Variants in LUZP2 observed in about 807,000 individuals in gnomAD.
The protein encoded by LUZP2 is leucine zipper protein 2.
LUZP2 carries 52 observed loss-of-function variants against 51.6 expected under a neutral mutation model. The ratio of observed to expected loss-of-function variants is 1.01; its 90% CI spans 0.81 to 1.27. The LOEUF (loss-of-function observed/expected upper bound fraction) is 1.27, where lower values mean the gene tolerates loss of function less well. Ranked by LOEUF, LUZP2 falls within the 50% of genes most tolerant of loss-of-function variation. The pLI, the probability that LUZP2 is intolerant of heterozygous loss-of-function variation, is 0.00. For synonymous variants in LUZP2, 154 were observed against 137.3 expected, an observed-to-expected ratio of 1.12 and a Z score of -0.85; for missense variants, 436 against 395.4, an observed-to-expected ratio of 1.10 and a Z score of -0.87.
In LUZP2 at chr11:24,810,901, G is replaced by A. The variant is rs542103795; in HGVS notation, c.396+47593G>A. Among the ~76,000 whole-genome samples the A allele has an allele frequency of 4.9e-4, 75 of 152,212 alleles. 1 individual carries two copies. In the South Asian group the frequency reaches 0.015, roughly 29 times the overall value. ...ATTTGCCTTTATCCTGTGGAGATGGGTCAGTAGCAAGATTGTAGCTCCTAC... is the reference window on the plus strand; with the variant it reads ...ATTTGCCTTTATCCTGTGGAGATGGATCAGTAGCAAGATTGTAGCTCCTAC... On this transcript the variant is annotated intron_variant, in intron 5 of 11. Transcript: ENST00000336930.
chr11:24,560,742 T>G (rs1852013355), intron 1 of LUZP2, among the ~76,000 whole-genome samples: 1 of 152,134 alleles, frequency 6.6e-6, no homozygotes, highest in Non-Finnish European at 1.5e-5. Context: ...AGCTCAAAAA[T>G]ACTAATTTAA....
intron 5 of LUZP2, among the ~76,000 whole-genome samples, chr11:24,860,468 G>C (rs1277837158): frequency 6.6e-6 from 1 of 152,118 alleles, no homozygotes; most frequent in East Asian, 1.9e-4. Context: ...AATGGGTCCT[G>C]TTCCCTGTGG....
chr11:24,650,103 C>T (rs1318769443), intron 1 of LUZP2, among the ~76,000 whole-genome samples: 1 of 151,680 alleles, frequency 6.6e-6, no homozygotes, highest in African/African-American at 2.4e-5. Flanking sequence ...TCCATCCATT[C>T]AAAATCCTTT....
chr11:24,720,189 TCTC>T (rs1388282187), intron 1 of LUZP2, among the ~76,000 whole-genome samples: 1 of 152,036 alleles, frequency 6.6e-6, no homozygotes, highest in Non-Finnish European at 1.5e-5. Flanking sequence ...AGTTCTGAAT[TCTC>T]CTCATTCAGG....
chr11:24,933,971 G>A (rs998847716), intron 7 of LUZP2, among the ~76,000 whole-genome samples: 1 of 152,148 alleles, frequency 6.6e-6, no homozygotes, highest in African/African-American at 2.4e-5. Flanking sequence ...AAGGGTTGGG[G>A]GGAGGATATT....
At chr11:24,693,970 G>A (rs919578322) in intron 1 of LUZP2, among the ~76,000 whole-genome samples, 3 of 151,816 alleles carry the variant, frequency 2.0e-5, no homozygotes, top group Non-Finnish European at 2.9e-5. Flanking sequence ...TTAGGATGAG[G>A]AAAAAGAGAT....
chr11:24,753,073 C>A (rs1449748567), intron 4 of LUZP2, among the ~76,000 whole-genome samples: 1 of 151,828 alleles, frequency 6.6e-6, no homozygotes. Context: ...TACTCGCAAA[C>A]AAAATAAAAT....
chr11:24,499,070 T>C (rs1402929346), intron 1 of LUZP2, among the ~76,000 whole-genome samples: 1 of 152,184 alleles, frequency 6.6e-6, no homozygotes, highest in Non-Finnish European at 1.5e-5. Flanking sequence ...GGGATAAATT[T>C]CTTTAAAAAT....
intron 5 of LUZP2, among the ~76,000 whole-genome samples, chr11:24,902,608 GA>G (rs1853315322): frequency 6.6e-6 from 1 of 152,112 alleles, no homozygotes; most frequent in South Asian, 2.1e-4. Flanking sequence ...CCTGATCATT[GA>G]AAAGCCTACT....
chr11:24,858,275 C>T (rs1225908883), intron 5 of LUZP2, among the ~76,000 whole-genome samples: 1 of 152,116 alleles, frequency 6.6e-6, no homozygotes, highest in Non-Finnish European at 1.5e-5. Context: ...GCCTTGTTCT[C>T]ATTACAGAAT....
At chr11:24,556,692 G>C (rs1851879924) in intron 1 of LUZP2, among the ~76,000 whole-genome samples, 1 of 152,096 alleles carries the variant, frequency 6.6e-6, no homozygotes, top group Non-Finnish European at 1.5e-5. Flanking sequence ...TAATAGCATA[G>C]TGGCAATTAT....
At chr11:24,760,143 TTATC>T (rs1859929191) in intron 4 of LUZP2, among the ~76,000 whole-genome samples, 1 of 152,146 alleles carries the variant, frequency 6.6e-6, no homozygotes, top group African/African-American at 2.4e-5. Flanking sequence ...TGGCAATTGG[TTATC>T]TAAGAGTTAG....
chr11:24,502,940 A>T (rs1182940620), intron 1 of LUZP2, among the ~76,000 whole-genome samples: 1 of 152,222 alleles, frequency 6.6e-6, no homozygotes, highest in Non-Finnish European at 1.5e-5. Flanking sequence ...TTTATTTTCT[A>T]CTTCTTCATT....
intron 1 of LUZP2, among the ~76,000 whole-genome samples, chr11:24,653,363 A>G (rs1855696810): frequency 6.6e-6 from 1 of 152,158 alleles, no homozygotes; most frequent in Admixed American, 6.6e-5. Flanking sequence ...TAGTTAAAAG[A>G]AGTTTTCATT....
chr11:25,059,916 C>T (rs925440930), intron 10 of LUZP2, among the ~76,000 whole-genome samples: 3 of 151,970 alleles, frequency 2.0e-5, no homozygotes, highest in African/African-American at 7.3e-5. Context: ...GAAATTTTGA[C>T]TGAAGGAAGG....
At chr11:24,682,526 G>A (rs1856768199) in intron 1 of LUZP2, among the ~76,000 whole-genome samples, 1 of 112 alleles carries the variant, frequency 8.9e-3, no homozygotes, top group African/African-American at 0.042. Flanking sequence ...TGCAAATTCA[G>A]TAGGTTCAGT....
intron 9 of LUZP2, among the ~76,000 whole-genome samples, chr11:25,015,775 C>G (rs1441735981): frequency 1.3e-5 from 2 of 152,046 alleles, no homozygotes; most frequent in Non-Finnish European, 2.9e-5. Flanking sequence ...AATTTATTCA[C>G]AAAGTTACTA....
chr11:24,518,585 A>G (rs1036601267), intron 1 of LUZP2, among the ~76,000 whole-genome samples: 1 of 152,214 alleles, frequency 6.6e-6, no homozygotes, highest in African/African-American at 2.4e-5. Flanking sequence ...TAGAATGTTA[A>G]GATGATAACT....
chr11:24,564,410 A>G (rs926718587), intron 1 of LUZP2, among the ~76,000 whole-genome samples: 21 of 152,204 alleles, frequency 1.4e-4, no homozygotes, highest in Non-Finnish European at 2.8e-4. Context: ...GAAATAAGGC[A>G]AATTACTATC....
Sources: allele counts gnomAD v4.1 joint callset (sites outside exome capture counted in the v4.1 genomes callset), GRCh38; gene constraint gnomAD v4.1.1; transcripts MANE v1.5; gene names NCBI Gene and HGNC (gene_info 2026-07-23, HGNC 2026-07-21).